Variants in LMO7 observed in about 807,000 individuals in gnomAD.
The protein encoded by LMO7 is LIM domain only protein 7.
Under a neutral mutation model 206.5 loss-of-function variants are expected in LMO7, and 120 were observed. The ratio of observed to expected loss-of-function variants is 0.58; its 90% CI spans 0.50 to 0.68. The LOEUF is 0.68. Ranked by LOEUF, LMO7 falls within the 30% of genes least tolerant of loss-of-function variation. The pLI is 0.00. For synonymous variants in LMO7, 706 were observed against 681.5 expected (o/e 1.04, Z -0.56); for missense variants, 1,959 against 1,957.9 (o/e 1.00, Z -0.01).
At chr13:75,621,916 T>A (rs756747212) in intron 1 of LMO7, 2 of 1,376,684 alleles carry the variant, frequency 1.5e-6, no homozygotes, top group Admixed American at 2.2e-5. Flanking sequence ...TTGAAAGAAC[T>A]AAGGCAGAGC....
chr13:75,833,167 T>G lies in LMO7; in HGVS notation c.3064+2T>G. 1 of 1,501,666 alleles carries G rather than the reference T, an allele frequency of 6.7e-7. No individual in the cohort carries two copies. The highest frequency in any genetic ancestry group is 9.3e-7 in the Non-Finnish European group (1 of 1,077,626). 93.0% of individuals were successfully genotyped at this position (1,501,666 alleles called of 1,614,324 possible). On this transcript the variant is annotated splice_donor_variant, in intron 16 of 30. Transcript: ENST00000377534. LOFTEE classifies it high-confidence loss of function. ...TCTTCGTAGCATCAGTTGAAGCAGG[T>G]AAATTATGTGTTTAGCTCTACTGAA...
intron 1 of LMO7, among the ~76,000 whole-genome samples, chr13:75,693,289 T>C (rs976065580): frequency 1.1e-4 from 16 of 152,214 alleles, no homozygotes; most frequent in Admixed American, 4.6e-4. Flanking sequence ...TAAATACAGA[T>C]GAGTAAATAA....
chr13:75,787,319 G>T (rs1307245651), intron 4 of LMO7, among the ~76,000 whole-genome samples: 1 of 152,214 alleles, frequency 6.6e-6, no homozygotes, highest in Non-Finnish European at 1.5e-5. Context: ...CTCTGGTTGA[G>T]AGGGTTAGGG....
chr13:75,630,618 G>T (rs7986038), intron 2 of LMO7, among the ~76,000 whole-genome samples: 10,953 of 152,226 alleles, frequency 0.072, 1,298 homozygotes, highest in African/African-American at 0.25. Context: ...AGGTTGAAAT[G>T]AGTGCCACTG....
chr13:75,826,205 T>A (rs942271345), intron 15 of LMO7, among the ~76,000 whole-genome samples: 1 of 151,956 alleles, frequency 6.6e-6, no homozygotes, highest in African/African-American at 2.4e-5. Context: ...CACGCCTGGC[T>A]AATTTTCGTA....
chr13:75,834,730 A>C (rs897109897), intron 17 of LMO7, among the ~76,000 whole-genome samples: 2 of 152,194 alleles, frequency 1.3e-5, no homozygotes, highest in African/African-American at 4.8e-5. Context: ...CTTTATCTGC[A>C]GCATCATAAC....
chr13:75,846,691 G>A (rs889239990), intron 26 of LMO7, among the ~76,000 whole-genome samples: 1 of 152,104 alleles, frequency 6.6e-6, no homozygotes, highest in Non-Finnish European at 1.5e-5. Flanking sequence ...TTGTATATAT[G>A]TTTTCCCCCC....
At chr13:75,750,405 T>C (rs996553918) in intron 3 of LMO7, among the ~76,000 whole-genome samples, 9 of 151,016 alleles carry the variant, frequency 6.0e-5, no homozygotes, top group African/African-American at 1.9e-4. Flanking sequence ...TTTTTCCTTT[T>C]TGGAGACAGG....
At chr13:75,748,716 G>A (rs2047046271) in intron 3 of LMO7, among the ~76,000 whole-genome samples, 2 of 152,222 alleles carry the variant, frequency 1.3e-5, no homozygotes, top group South Asian at 2.1e-4. Flanking sequence ...AGGAAGATGA[G>A]ATTTAGTTTG....
chr13:75,671,224 T>A (rs2039552608), intron 1 of LMO7, among the ~76,000 whole-genome samples: 2 of 149,746 alleles, frequency 1.3e-5, no homozygotes, highest in South Asian at 4.2e-4. Context: ...TTTTTTTTAA[T>A]AAGTACATTC....
intron 1 of LMO7, among the ~76,000 whole-genome samples, chr13:75,688,162 C>T (rs936632961): frequency 2.2e-4 from 33 of 152,114 alleles, no homozygotes; most frequent in Non-Finnish European, 1.0e-4. Context: ...ATTACCCAGT[C>T]TTGGGTATGT....
At chr13:75,638,275 T>A (rs912923740) in intron 1 of LMO7, among the ~76,000 whole-genome samples, 11 of 152,212 alleles carry the variant, frequency 7.2e-5, no homozygotes, top group African/African-American at 2.4e-4. Flanking sequence ...TCCCTTTTTT[T>A]TTAGTATGCA....
At chr13:75,787,180 C>T (rs1203567339) in intron 4 of LMO7, among the ~76,000 whole-genome samples, 1 of 152,166 alleles carries the variant, frequency 6.6e-6, no homozygotes, top group African/African-American at 2.4e-5. Flanking sequence ...ATTCTGTATT[C>T]AGTAGTCACC....
chr13:75,635,388 C>T (rs1256235754), upstream of LMO7, among the ~76,000 whole-genome samples: 1 of 152,092 alleles, frequency 6.6e-6, no homozygotes, highest in East Asian at 1.9e-4. Flanking sequence ...GATTTGAGCA[C>T]TGGTGTGAAA....
intron 11 of LMO7, among the ~76,000 whole-genome samples, chr13:75,812,679 G>T (rs1361380644): frequency 2.0e-5 from 3 of 152,044 alleles, no homozygotes; most frequent in Non-Finnish European, 4.4e-5. Flanking sequence ...CTTGTTTTAT[G>T]ATTGACACCT....
chr13:75,741,714 A>G (rs1315364150), intron 3 of LMO7, among the ~76,000 whole-genome samples: 1 of 152,258 alleles, frequency 6.6e-6, no homozygotes. Context: ...TAAACTAGGT[A>G]GAGAAGGAAT....
At chr13:75,636,279 G>A, upstream of LMO7, 1 of 1,062,202 alleles carries the variant, frequency 9.4e-7, no homozygotes, top group Non-Finnish European at 1.1e-6. Flanking sequence ...GGTGGGCCGG[G>A]GCGGGGCCAC....
chr13:75,750,201 A>G (rs1355536614), intron 3 of LMO7, among the ~76,000 whole-genome samples: 2 of 152,204 alleles, frequency 1.3e-5, no homozygotes, highest in Non-Finnish European at 2.9e-5. Context: ...ACAATATAGC[A>G]TAAGAATAAG....
At chr13:75,747,552 C>T (rs947268911) in intron 3 of LMO7, among the ~76,000 whole-genome samples, 1 of 152,206 alleles carries the variant, frequency 6.6e-6, no homozygotes, top group East Asian at 1.9e-4. Flanking sequence ...TACACTGTTA[C>T]TCTCATGAGA....
Sources: allele counts gnomAD v4.1 joint callset (sites outside exome capture counted in the v4.1 genomes callset), GRCh38; gene constraint gnomAD v4.1.1; transcripts MANE v1.5; gene names NCBI Gene and HGNC (gene_info 2026-07-23, HGNC 2026-07-21).